CYP3A5: variants seen among roughly 807,000 people sequenced by gnomAD.
The protein encoded by CYP3A5 is cytochrome P450 family 3 subfamily A member 5, also known as cytochrome P450 3A5.
Under a neutral mutation model 55.9 loss-of-function variants are expected in CYP3A5, and 51 were observed. That is an observed-to-expected ratio of 0.91 (90% CI 0.73 to 1.15). The LOEUF (loss-of-function observed/expected upper bound fraction) is 1.15, where lower values mean the gene tolerates loss of function less well. Among genes scored for constraint, CYP3A5 ranks in the 50% most tolerant of loss-of-function variants. CYP3A5 has a pLI of 0.00. For synonymous variants in CYP3A5, 196 were observed against 213.9 expected, an observed-to-expected ratio of 0.92 and a Z score of 0.73; for missense variants, 533 against 596.6, an observed-to-expected ratio of 0.89 and a Z score of 1.11.
At position 99,676,499 on chromosome 7, in the gene CYP3A5, C is replaced by T. The variant is rs750456956; in HGVS notation, c.72-291G>A. 2.2e-6 allele frequency: 3 copies of T among 1,390,514 alleles called. No individual in the cohort carries two copies. The Admixed American group carries it at 5.6e-5, about 26-fold the overall frequency. 86.1% of individuals were successfully genotyped at this position (1,390,514 alleles called of 1,614,324 possible). ...CTCAAATGCTCCTGAGAGGTTCAGG[C>T]AGGAATTCTTCCAGGACACTTCATT... On this transcript the variant is annotated intron_variant, in intron 1 of 12. Transcript: ENST00000222982.
At chr7:99,654,653 C>A (rs1172054327) in intron 10 of CYP3A5, among the ~76,000 whole-genome samples, 2 of 152,216 alleles carry the variant, frequency 1.3e-5, no homozygotes, top group Non-Finnish European at 2.9e-5. Flanking sequence ...TGAGGAATCA[C>A]CACACTGACT....
chr7:99,655,442 CTGTTT>C, intron 10 of CYP3A5, among the ~76,000 whole-genome samples: 2 of 152,312 alleles, frequency 1.3e-5, no homozygotes, highest in South Asian at 4.1e-4. Context: ...ATCAATATCT[CTGTTT>C]TGGTACCAGT....
intron 10 of CYP3A5, 97 bp downstream of exon 10, chr7:99,660,402 A>C (rs1810307769): frequency 6.7e-7 from 1 of 1,488,092 alleles, no homozygotes; most frequent in Non-Finnish European, 8.9e-7. Context: ...GGAATCAGTG[A>C]TTATGCTTTT....
intron 10 of CYP3A5, 39 bp downstream of exon 10, chr7:99,660,460 T>C: frequency 6.4e-7 from 1 of 1,560,960 alleles, no homozygotes; most frequent in Non-Finnish European, 8.6e-7. Flanking sequence ...TTGCTAAGGC[T>C]TCACCTCTTC....
chr7:99,656,115 T>G (rs1433611301), intron 10 of CYP3A5, among the ~76,000 whole-genome samples: 1 of 152,210 alleles, frequency 6.6e-6, no homozygotes, highest in African/African-American at 2.4e-5. Flanking sequence ...TCCAACACTA[T>G]GTTGAATAGG....
chr7:99,655,255 A>T (rs368094401), intron 10 of CYP3A5, among the ~76,000 whole-genome samples: 2 of 152,180 alleles, frequency 1.3e-5, no homozygotes, highest in African/African-American at 2.4e-5. Context: ...TAATTTTTGT[A>T]TAAGGTGTAA....
chr7:99,679,723 C>T (rs576960905), intron 1 of CYP3A5, 103 bp downstream of exon 1: 16 of 1,110,104 alleles, frequency 1.4e-5, no homozygotes, highest in Admixed American at 1.3e-4. Flanking sequence ...AGCTACTTCT[C>T]CTTGAACATC....
chr7:99,660,699 A>G (rs751913785), intron 9 of CYP3A5, 40 bp from the exon 10 acceptor site: 8 of 1,607,246 alleles, frequency 5.0e-6, no homozygotes, highest in Admixed American at 1.7e-5. Flanking sequence ...AATCAGGTCA[A>G]CGTACAACAT....
intron 4 of CYP3A5, among the ~76,000 whole-genome samples, chr7:99,672,042 T>TTTGTTGTTGTTGTTGTTGTTG (rs573372567): frequency 1.3e-3 from 200 of 151,842 alleles, no homozygotes; most frequent in African/African-American, 4.5e-3. Context: ...TTTGCCGGTT[T>TTTGTTGTTGTTGTTGTTGTTG]TTGTTGTTGT....
At chr7:99,651,642 C>T (rs1261402494) in intron 11 of CYP3A5, among the ~76,000 whole-genome samples, 1 of 152,144 alleles carries the variant, frequency 6.6e-6, no homozygotes, top group Non-Finnish European at 1.5e-5. Context: ...CAGGTAGGGG[C>T]TAATGAAAGT....
At chr7:99,673,909 C>T (rs1021347738) in intron 3 of CYP3A5, among the ~76,000 whole-genome samples, 1 of 152,216 alleles carries the variant, frequency 6.6e-6, no homozygotes, top group Non-Finnish European at 1.5e-5. Flanking sequence ...TAGCCTAGTT[C>T]AGACTGAAGA....
intron 4 of CYP3A5, chr7:99,671,641 A>C (rs1323054617): frequency 3.5e-6 from 2 of 572,238 alleles, no homozygotes; most frequent in Non-Finnish European, 6.2e-6. Flanking sequence ...TATAACTCTT[A>C]GAAAAAGCAA....
intron 12 of CYP3A5, 81 bp downstream of exon 12, chr7:99,649,992 A>G: frequency 6.6e-7 from 1 of 1,516,216 alleles, no homozygotes; most frequent in Non-Finnish European, 9.0e-7. Flanking sequence ...TTATTAAAAG[A>G]TAAACATGCA....
At chr7:99,665,026 G>A (rs1045347637) in intron 7 of CYP3A5, 140 bp downstream of exon 7, 15 of 849,512 alleles carry the variant, frequency 1.8e-5, no homozygotes, top group Non-Finnish European at 2.5e-5. Flanking sequence ...GTTTACAATA[G>A]TAATGGTCAT....
intron 4 of CYP3A5, 78 bp from the exon 5 acceptor site, chr7:99,667,143 A>T (rs1177512454): frequency 7.5e-7 from 1 of 1,333,564 alleles, no homozygotes; most frequent in Admixed American, 2.1e-5. Context: ...TTGAAGAGGC[A>T]TCCTTATTTA....
At chr7:99,658,680 C>T (rs1027593249) in intron 10 of CYP3A5, among the ~76,000 whole-genome samples, 15 of 152,224 alleles carry the variant, frequency 9.9e-5, no homozygotes, top group Non-Finnish European at 2.1e-4. Flanking sequence ...AGAGTGTTTT[C>T]CAACTTCGTT....
chr7:99,648,415 C>T lies in CYP3A5; in HGVS notation c.1414-15G>A. ...TTCAAGGGGATCTACAATAGTTAAA[C>T]AAGCATATGGAGAATTAATAAATGA... On this transcript the variant is annotated splice_polypyrimidine_tract_variant and intron_variant, in intron 12 of 12. Coordinates refer to ENST00000222982, the MANE Select transcript of CYP3A5 (RefSeq NM_000777.5). 1.3e-6 allele frequency: 2 copies of T among 1,529,716 alleles called. No homozygotes were observed. Among genetic ancestry groups the T allele is most frequent in the Non-Finnish European group, 1.8e-6 (2 of 1,123,306 alleles). The allele number at this position is 1,529,716 out of a possible 1,614,324, so 94.8% of individuals were successfully genotyped here.
chr7:99,674,906 G>T (rs1231685081), intron 2 of CYP3A5, among the ~76,000 whole-genome samples: 1 of 152,198 alleles, frequency 6.6e-6, no homozygotes, highest in Non-Finnish European at 1.5e-5. Flanking sequence ...CTAACCCCGT[G>T]AATGATCACC....
intron 4 of CYP3A5, among the ~76,000 whole-genome samples, chr7:99,668,850 G>A (rs1475508015): frequency 1.3e-5 from 2 of 152,184 alleles, no homozygotes; most frequent in African/African-American, 2.4e-5. Flanking sequence ...TCTAATCACG[G>A]ACAGTTGAAT....
Sources: gnomAD v4.1 joint callset for allele counts (sites outside exome capture counted in the v4.1 genomes callset) on GRCh38, gnomAD v4.1.1 for gene constraint, MANE v1.5 for transcripts, NCBI Gene and HGNC (gene_info 2026-07-23, HGNC 2026-07-21) for gene names.